The following ACSL1 variants were observed in gnomAD, a reference collection of about 807,000 sequenced individuals.
ACSL1 encodes the protein long-chain-fatty-acid--CoA ligase 1.
Under a neutral mutation model 98.4 loss-of-function variants are expected in ACSL1, and 41 were observed. The observed-to-expected ratio is 0.42, with a 90% CI of 0.32 to 0.54. ACSL1 has a LOEUF of 0.54. Ranked by LOEUF, ACSL1 falls within the 20% of genes least tolerant of loss-of-function variation. ACSL1 has a pLI of 0.13. For missense variants in ACSL1, 734 were observed against 883.1 expected (o/e 0.83, Z 2.14); for synonymous variants, 316 against 322.7 (o/e 0.98, Z 0.22).
intron 2 of ACSL1, among the ~76,000 whole-genome samples, chr4:184,796,931 T>G (rs1391591979): frequency 6.6e-6 from 1 of 152,194 alleles, no homozygotes; most frequent in Non-Finnish European, 1.5e-5. Context: ...TCCCACCTGG[T>G]TCAAAATCAT....
At chr4:184,793,037 G>A (rs1424629180) in intron 2 of ACSL1, among the ~76,000 whole-genome samples, 1 of 152,190 alleles carries the variant, frequency 6.6e-6, no homozygotes, top group African/African-American at 2.4e-5. Flanking sequence ...GGCAGTGTGT[G>A]TGGGTCGCTT....
At position 184,757,663 on chromosome 4, in the gene ACSL1, T is replaced by C. The variant is rs1335885878; in HGVS notation, c.1928A>G (p.Lys643Arg). ...AILEDMVRLG[K>R]DSGLKPFEQV... ...TTCAAATGGTTTCAGACCAGAATCC[T>C]TCCCAAGTCTCACCATATCTTCGAG... is the stretch of plus-strand genomic sequence containing the variant. Residue 643 changes from lysine (K) to arginine (R), a missense_variant, in exon 20 of 21, where the codon AAG becomes AGG. Transcript: ENST00000281455. This position sits in a 1 kb window ranked among gnomAD's most constrained non-coding sequence, Gnocchi z 4.5. The C allele has an allele frequency of 1.9e-6, 3 of 1,614,144 alleles. No homozygotes were observed. The highest frequency in any genetic ancestry group is 2.5e-6 in the Non-Finnish European group (3 of 1,180,004).
Position 184,803,429 on chromosome 4 carries a change from G to A in ACSL1, c.86C>T (p.Thr29Met), listed in dbSNP as rs753119478. Residue 29 changes from threonine to methionine, a missense_variant, in exon 2 of 21, where the codon ACG (threonine) becomes ATG (methionine). Coordinates refer to ENST00000281455, the MANE Select transcript of ACSL1 (RefSeq NM_001995.5). The surrounding 1 kb of genome is among the most constrained non-coding windows in gnomAD (Gnocchi z 4.8). ...RQYVRTLPTN[T>M]LMGFGAFAAL... Reference sequence around the variant, plus strand: ...TGCAAAAGCTCCGAAGCCCATAAGCGTGTTGGTCGGAAGAGTACGCACGTA... The same window carrying A: ...TGCAAAAGCTCCGAAGCCCATAAGCATGTTGGTCGGAAGAGTACGCACGTA... 17 of 1,614,088 alleles carry A rather than the reference G, an allele frequency of 1.1e-5. No individual in the cohort carries two copies. Among genetic ancestry groups the A allele is most frequent in the Non-Finnish European group, 1.2e-5 (14 of 1,179,986 alleles).
At chr4:184,806,846 G>A (rs942681247) in intron 1 of ACSL1, among the ~76,000 whole-genome samples, 2 of 152,162 alleles carry the variant, frequency 1.3e-5, no homozygotes, top group African/African-American at 2.4e-5. Context: ...CTCTTAAATG[G>A]CAGCCAGGTA....
At chr4:184,823,399 T>C (rs1773218052) in intron 1 of ACSL1, among the ~76,000 whole-genome samples, 1 of 152,244 alleles carries the variant, frequency 6.6e-6, no homozygotes, top group African/African-American at 2.4e-5. Flanking sequence ...TAAACACAAA[T>C]GGGCACCTGT....
Position 184,770,399 on chromosome 4 carries a change from C to T in ACSL1, c.993G>A (p.Glu331=). The T allele has an allele frequency of 6.2e-7, 1 of 1,613,400 alleles. No homozygotes were observed. The highest frequency in any genetic ancestry group is 8.5e-7 in the Non-Finnish European group (1 of 1,179,720). The change falls in exon 11 of 21, where the codon GAG becomes GAA. Residue 331 remains glutamate (E), a splice_region_variant and synonymous_variant. Transcript: ENST00000281455. ...PLAHMFERVV[E]CVMLCHGAKI... ...AAGGAAAACAAAATTAAATGCCTAC[C>T]TCTACAACTCTCTCAAACATATGGG...
chr4:184,792,186 T>C (rs566476532), intron 2 of ACSL1, among the ~76,000 whole-genome samples: 5 of 152,304 alleles, frequency 3.3e-5, no homozygotes. Flanking sequence ...AAGATATTTA[T>C]TATTACCCTA....
intron 2 of ACSL1, among the ~76,000 whole-genome samples, chr4:184,796,369 A>G (rs926076008): frequency 6.6e-6 from 1 of 152,142 alleles, no homozygotes; most frequent in Non-Finnish European, 1.5e-5. Context: ...CTGTCCCTCT[A>G]GAGAACCCTG....
intron 2 of ACSL1, among the ~76,000 whole-genome samples, chr4:184,793,194 T>TAA (rs5864899): frequency 7.4e-6 from 1 of 136,000 alleles, no homozygotes; most frequent in Non-Finnish European, 1.6e-5. Flanking sequence ...TGTTCCCAGT[T>TAA]AAAAAAAAAA....
chr4:184,804,088 G>A (rs1443275585), intron 1 of ACSL1, among the ~76,000 whole-genome samples: 6 of 152,138 alleles, frequency 3.9e-5, no homozygotes, highest in Admixed American at 3.3e-4. Context: ...CTCCTCACAC[G>A]ACAACAGTGG....
intron 1 of ACSL1, among the ~76,000 whole-genome samples, chr4:184,810,258 C>CAAGG (rs1382143189): frequency 6.6e-6 from 1 of 152,214 alleles, no homozygotes; most frequent in African/African-American, 2.4e-5. Context: ...TTGACCTGTA[C>CAAGG]AAGGACCCAT....
chr4:184,764,091 T>A (rs189455581), intron 15 of ACSL1, among the ~76,000 whole-genome samples: 69 of 152,274 alleles, frequency 4.5e-4, no homozygotes, highest in African/African-American at 1.6e-3. Flanking sequence ...CCAAATAAGC[T>A]GGGAAGTTTA....
Position 184,760,437 on chromosome 4 carries a change from T to A in ACSL1, c.1702A>T (p.Ile568Leu). 6.2e-7 allele frequency: 1 copy of A among 1,614,220 alleles called. No homozygotes were observed. The highest frequency in any genetic ancestry group is 8.5e-7 in the Non-Finnish European group (1 of 1,180,032). ...HIFKLAQGEY[I>L]APEKIENIYM... ...ATATTTTCAATCTTTTCAGGGGCTA[T>A]GTATTCTCCTTGTGCCAGCTTAAAT... The change falls in exon 18 of 21, where the codon ATA becomes TTA. Residue 568 changes from isoleucine to leucine, a missense_variant. Ile to Leu is a conservative substitution (Grantham distance 5). Transcript: ENST00000281455.
rs558840608 is a variant in ACSL1, at chr4:184,785,466, T to A, written c.311-1475A>T. 3.3e-5 allele frequency among the ~76,000 whole-genome samples: 5 copies of A among 152,244 alleles called. No homozygotes were observed. The South Asian group carries it at 1.0e-3, about 32-fold the overall frequency. On this transcript the variant is annotated intron_variant, in intron 3 of 20. Coordinates refer to ENST00000281455, the MANE Select transcript of ACSL1 (RefSeq NM_001995.5). ...GTTTTAAAGTACTAGGTTTAAAAAC[T>A]CTAGGCGGGCTGCTTCTATCATTCA...
At chr4:184,781,141 G>A (rs1766187930) in intron 4 of ACSL1, among the ~76,000 whole-genome samples, 1 of 149,730 alleles carries the variant, frequency 6.7e-6, no homozygotes, top group Non-Finnish European at 1.5e-5. Context: ...GGCTGAGGCA[G>A]AATTGCTTGA....
rs1764845075 is a variant in ACSL1, at chr4:184,773,708, C to T, written c.796G>A (p.Ala266Thr). 2 of 1,607,756 alleles carry T rather than the reference C, an allele frequency of 1.2e-6. No individual in the cohort carries two copies. The highest frequency in any genetic ancestry group is 1.7e-6 in the Non-Finnish European group (2 of 1,178,558). The change falls in exon 9 of 21, where the codon GCA becomes ACA. Residue 266 changes from alanine to threonine, a missense_variant. Transcript: ENST00000281455. The surrounding 1 kb of genome is among the most constrained non-coding windows in gnomAD (Gnocchi z 4.3). ...RANRRKPKPPAPEDLAVICFT... is the reference protein window; with the variant it reads ...RANRRKPKPPTPEDLAVICFT... ...CAAATTACTGCAAGATCTTCAGGTG[C>T]TGGAGGCTAAAGATTAAAAAAAAAA...
intron 7 of ACSL1, among the ~76,000 whole-genome samples, chr4:184,776,212 T>C (rs1054632288): frequency 6.6e-6 from 1 of 152,266 alleles, no homozygotes; most frequent in African/African-American, 2.4e-5. Flanking sequence ...TTCCCATTTC[T>C]GGCATTTCCG....
chr4:184,799,292 T>C (rs575948510), intron 2 of ACSL1, among the ~76,000 whole-genome samples: 29 of 152,134 alleles, frequency 1.9e-4, no homozygotes, highest in African/African-American at 6.7e-4. Flanking sequence ...AATTTTTGTA[T>C]TTCTAGTAGA....
chr4:184,784,067 C>T (rs1034442704), intron 3 of ACSL1, 76 bp from the exon 4 acceptor site: 48 of 1,159,384 alleles, frequency 4.1e-5, no homozygotes, highest in Non-Finnish European at 5.7e-5. Flanking sequence ...ATCCCAACCG[C>T]ACTCTAATAC....
Sources: gnomAD v4.1 joint callset for allele counts (sites outside exome capture counted in the v4.1 genomes callset) on GRCh38, gnomAD v4.1.1 for gene constraint, Gnocchi (gnomAD v3.1) non-coding constraint, MANE v1.5 for transcripts, NCBI Gene and HGNC (gene_info 2026-07-23, HGNC 2026-07-21) for gene names.